The following DRAM1 variants were observed in gnomAD, a reference collection of about 807,000 sequenced individuals.
DRAM1 encodes DNA damage regulated autophagy modulator 1.
A neutral mutation model predicts 28.5 loss-of-function variants in DRAM1; 25 were observed. That is an observed-to-expected ratio of 0.88 (90% CI 0.64 to 1.23). DRAM1 has a LOEUF of 1.23. Ranked by LOEUF, DRAM1 falls within the 50% of genes most tolerant of loss-of-function variation. The pLI is 0.00. For missense variants in DRAM1, 249 were observed against 299.2 expected (o/e 0.83, Z 1.24); for synonymous variants, 113 against 114.2 (o/e 0.99, Z 0.07).
chr12:101,915,099 C>T (rs1209367487), intron 5 of DRAM1, among the ~76,000 whole-genome samples: 6 of 152,002 alleles, frequency 3.9e-5, no homozygotes, highest in Non-Finnish European at 8.8e-5. Context: ...CCTGCCTCAG[C>T]CTCCTGAGTA....
intron 3 of DRAM1, among the ~76,000 whole-genome samples, chr12:101,904,435 T>C (rs1468229405): frequency 4.4e-5 from 3 of 67,802 alleles, no homozygotes; most frequent in Non-Finnish European, 7.5e-5. Context: ...GGGTTTTTTT[T>C]TTTTTTTTTT....
rs1296438731 is a variant in DRAM1 at position 101,908,230 on chromosome 12, C to T, written c.387C>T (p.Ala129=). 6.2e-7 allele frequency: 1 copy of T among 1,613,424 alleles called. No individual in the cohort carries two copies. Among genetic ancestry groups the T allele is most frequent in the African/African-American group, 1.3e-5 (1 of 74,984 alleles). ...TTCATGACGGGGGCGCTCTTTTGGC[C>T]TTTGTCTGTGGTGTCGTGTACACGC... ...PVVHDGGALL[A]FVCGVVYTLL... Residue 129 remains alanine, a synonymous_variant, in exon 4 of 7, where the codon GCC becomes GCT. Transcript: ENST00000258534.
chr12:101,908,893 CAAAA>C (rs56843086), intron 4 of DRAM1, among the ~76,000 whole-genome samples: 2 of 70,912 alleles, frequency 2.8e-5, no homozygotes, highest in Admixed American at 3.5e-4. Context: ...TCCCCACAAC[CAAAA>C]AAAAAAAAAA....
In DRAM1 at chr12:101,914,334, T is replaced by A. The variant is rs950728687; in HGVS notation, c.579+102T>A. 19 of 741,926 alleles carry A rather than the reference T, an allele frequency of 2.6e-5. No homozygotes were observed. In the East Asian group the frequency reaches 4.6e-4, roughly 18 times the overall value. The allele number at this position is 741,926 out of a possible 1,614,324, so 46.0% of individuals were successfully genotyped here. On this transcript the variant is annotated intron_variant, in intron 5 of 6. Transcript: ENST00000258534. Reference sequence around the variant, plus strand: ...ATCACTGCCGTTCCTTAGAACAAGTTGCAAAATGTCAAATAAACATGGCAT... The same window carrying A: ...ATCACTGCCGTTCCTTAGAACAAGTAGCAAAATGTCAAATAAACATGGCAT...
chr12:101,908,305 C>T lies in DRAM1; in HGVS notation c.462C>T (p.Leu154=), dbSNP rs367592764. The change falls in exon 4 of 7, where the codon CTC becomes CTT. Residue 154 remains leucine, a synonymous_variant. Transcript: ENST00000258534. ...AATCATGTCCCCAGTGGAACAGTCT[C>T]TCGACATGCCACATACGGATGGTCA... is the stretch of plus-strand genomic sequence containing the variant. The part of the protein sequence containing the change: ...SYKSCPQWNS[L]STCHIRMVIS... 2.3e-4 allele frequency: 367 copies of T among 1,614,174 alleles called. 1 individual carries two copies. The highest frequency in any genetic ancestry group is 1.4e-3 in the African/African-American group (105 of 75,052).
intron 1 of DRAM1, chr12:101,890,161 C>G: frequency 2.4e-6 from 1 of 413,184 alleles, no homozygotes; most frequent in Non-Finnish European, 4.8e-6. Context: ...TCACTGTAAC[C>G]TCTGCCTCCT....
chr12:101,892,213 A>G (rs1873158579), intron 1 of DRAM1, among the ~76,000 whole-genome samples: 1 of 151,886 alleles, frequency 6.6e-6, no homozygotes, highest in African/African-American at 2.4e-5. Flanking sequence ...TTGAGAGGTA[A>G]GAGCTATTTC....
At chr12:101,889,872 A>G (rs1156920939) in intron 1 of DRAM1, among the ~76,000 whole-genome samples, 1 of 147,416 alleles carries the variant, frequency 6.8e-6, no homozygotes, top group Non-Finnish European at 1.5e-5. Context: ...CCTGTGAGGC[A>G]GAGGTTGCAG....
intron 6 of DRAM1, among the ~76,000 whole-genome samples, chr12:101,920,820 A>G (rs2121182777): frequency 6.6e-6 from 1 of 152,288 alleles, no homozygotes; most frequent in East Asian, 1.9e-4. Context: ...CTGAGGCAGG[A>G]GAATCACTTG....
intron 1 of DRAM1, among the ~76,000 whole-genome samples, chr12:101,884,578 T>C (rs904477412): frequency 2.0e-5 from 3 of 152,202 alleles, no homozygotes; most frequent in Non-Finnish European, 4.4e-5. Context: ...GTGTTGCCGA[T>C]TCTAGATCCT....
intron 1 of DRAM1, among the ~76,000 whole-genome samples, chr12:101,890,762 TTTTTTTG>T (rs1873089145): frequency 6.6e-6 from 1 of 150,696 alleles, no homozygotes; most frequent in Admixed American, 6.6e-5. Flanking sequence ...TTTTTTTTTT[TTTTTTTG>T]AGTCGGCGTC....
At position 101,921,526 on chromosome 12, in the gene DRAM1, TA is replaced by T. The variant is rs766035510; in HGVS notation, c.*268del. The T allele has an allele frequency of 4.5e-5, 13 of 288,784 alleles. No homozygotes were observed. The highest frequency in any genetic ancestry group is 8.2e-5 in the Non-Finnish European group (13 of 157,776). The allele number at this position is 288,784 out of a possible 1,614,324, so 17.9% of individuals were successfully genotyped here. A position where few individuals can be genotyped will look rare whatever the true frequency, so the allele number is the denominator to read the frequency against. On this transcript the variant is annotated 3_prime_UTR_variant, in exon 7 of 7. Coordinates refer to ENST00000258534, the MANE Select transcript of DRAM1 (RefSeq NM_018370.3). ...TTAACAAATTCATATACAGAAAAAA[TA>T]AGGTGTTACAAAAAATGGAGAGCTC...
intron 1 of DRAM1, among the ~76,000 whole-genome samples, chr12:101,896,555 G>C (rs1188789764): frequency 6.6e-6 from 1 of 151,908 alleles, no homozygotes; most frequent in Non-Finnish European, 1.5e-5. Flanking sequence ...CTTGAGCTCA[G>C]GACTTCAAAA....
chr12:101,919,305 C>CACACAT (rs1295627746), intron 5 of DRAM1, among the ~76,000 whole-genome samples: 44 of 151,140 alleles, frequency 2.9e-4, no homozygotes, highest in African/African-American at 1.1e-3. Flanking sequence ...CACACACACA[C>CACACAT]GGTTTTGTTT....
chr12:101,877,945 G>GC lies in DRAM1; in HGVS notation c.131+29dup. ...GGTGAGTGGCAGGGTGGGCGTCAGG[G>GC]CCCCAGGAGCAGGCACAGGGACCAC... On this transcript the variant is annotated intron_variant, in intron 1 of 6. Coordinates refer to ENST00000258534, the MANE Select transcript of DRAM1 (RefSeq NM_018370.3). The surrounding 1 kb of genome is among the most constrained non-coding windows in gnomAD (Gnocchi z 4.1). 1 of 1,496,314 alleles carries GC rather than the reference G, an allele frequency of 6.7e-7. No homozygotes were observed. The highest frequency in any genetic ancestry group is 9.0e-7 in the Non-Finnish European group (1 of 1,115,364). 92.7% of individuals were successfully genotyped at this position (1,496,314 alleles called of 1,614,324 possible).
Position 101,921,278 on chromosome 12 carries a change from C to G in DRAM1, c.*18C>G. The G allele has an allele frequency of 6.2e-7, 1 of 1,601,462 alleles. No individual in the cohort carries two copies. The highest frequency in any genetic ancestry group is 8.6e-7 in the Non-Finnish European group (1 of 1,168,494). ...ATATTTGAAGAAAGAAGAATTCAGT[C>G]TCACTCAGTGAATGTCGCAGGCCAT... On this transcript the variant is annotated 3_prime_UTR_variant, in exon 7 of 7. Coordinates refer to ENST00000258534, the MANE Select transcript of DRAM1 (RefSeq NM_018370.3).
chr12:101,921,397 G>A lies in DRAM1; in HGVS notation c.*137G>A, dbSNP rs1874478049. 5.7e-6 allele frequency: 4 copies of A among 697,696 alleles called. No individual in the cohort carries two copies. The African/African-American group carries it at 7.1e-5, about 12-fold the overall frequency. 43.2% of individuals were successfully genotyped at this position (697,696 alleles called of 1,614,324 possible). ...ACATCCAGGACTTGAATTTCATTAC[G>A]AGTTCCTAATAGTTGTATTTCTAAA... On this transcript the variant is annotated 3_prime_UTR_variant, in exon 7 of 7. Transcript: ENST00000258534.
At chr12:101,901,868 CAAA>C (rs57574986) in intron 3 of DRAM1, among the ~76,000 whole-genome samples, 6 of 114,332 alleles carry the variant, frequency 5.2e-5, no homozygotes, top group Admixed American at 1.9e-4. Flanking sequence ...GACTCTATCT[CAAA>C]AAAAAAAAAA....
chr12:101,904,773 C>T (rs1031065586), intron 3 of DRAM1, among the ~76,000 whole-genome samples: 2 of 152,110 alleles, frequency 1.3e-5, no homozygotes, highest in African/African-American at 4.8e-5. Context: ...CTCTCTCTCT[C>T]TCCCTCTCTG....
Sources: gnomAD v4.1 joint callset for allele counts (sites outside exome capture counted in the v4.1 genomes callset) on GRCh38, gnomAD v4.1.1 for gene constraint, Gnocchi (gnomAD v3.1) non-coding constraint, MANE v1.5 for transcripts, NCBI Gene and HGNC (gene_info 2026-07-23, HGNC 2026-07-21) for gene names.